Variants in LRMDA observed in about 807,000 individuals in gnomAD.
LRMDA encodes leucine rich melanocyte differentiation associated, also known as leucine-rich melanocyte differentiation-associated protein.
LRMDA carries 18 observed loss-of-function variants against 29.8 expected under a neutral mutation model. The observed-to-expected ratio is 0.60, with a 90% CI of 0.42 to 0.90. LRMDA has a LOEUF of 0.90. LRMDA is among the 40% of genes least tolerant of loss of function. The pLI, the probability that LRMDA is intolerant of heterozygous loss-of-function variation, is 0.00. For missense variants in LRMDA, 273 were observed against 273.9 expected (o/e 1.00, Z 0.02); for synonymous variants, 125 against 109.4 (o/e 1.14, Z -0.89).
At chr10:75,533,502 T>A (rs775641584) in intron 2 of LRMDA, among the ~76,000 whole-genome samples, 7 of 152,186 alleles carry the variant, frequency 4.6e-5, no homozygotes, top group Non-Finnish European at 7.3e-5. Context: ...TGGGTCTGAG[T>A]AAGAGACACT....
chr10:75,458,641 T>G (rs957432480), intron 2 of LRMDA, among the ~76,000 whole-genome samples: 1 of 152,192 alleles, frequency 6.6e-6, no homozygotes, highest in African/African-American at 2.4e-5. Flanking sequence ...TAGTTGTACC[T>G]CTGAGCTCAG....
intron 2 of LRMDA, among the ~76,000 whole-genome samples, chr10:75,627,792 T>C (rs1037548926): frequency 1.3e-5 from 2 of 152,214 alleles, no homozygotes; most frequent in Non-Finnish European, 2.9e-5. Context: ...AACACTAAAT[T>C]GGGAGATTTC....
chr10:76,484,692 A>T (rs190200734), intron 6 of LRMDA, among the ~76,000 whole-genome samples: 206 of 152,084 alleles, frequency 1.4e-3, no homozygotes, highest in Non-Finnish European at 2.2e-3. Flanking sequence ...CTATTAGGTT[A>T]TCTATATAGA....
chr10:76,090,605 A>T (rs531317463), intron 5 of LRMDA, among the ~76,000 whole-genome samples: 1 of 152,350 alleles, frequency 6.6e-6, no homozygotes, highest in South Asian at 2.1e-4. Context: ...ATTATTCACA[A>T]TAGCCAAAAG....
chr10:76,429,772 G>T (rs1244720832), intron 6 of LRMDA, among the ~76,000 whole-genome samples: 1 of 152,164 alleles, frequency 6.6e-6, no homozygotes, highest in Non-Finnish European at 1.5e-5. Flanking sequence ...GATCAGCCAT[G>T]GGGGCCTGGG....
chr10:76,076,821 C>T (rs754029367), intron 5 of LRMDA, among the ~76,000 whole-genome samples: 1 of 152,060 alleles, frequency 6.6e-6, no homozygotes, highest in Non-Finnish European at 1.5e-5. Flanking sequence ...TTTCAAGGGT[C>T]GGGCAGACAA....
chr10:75,566,889 ACTC>A (rs1243752400), intron 2 of LRMDA, among the ~76,000 whole-genome samples: 1 of 151,622 alleles, frequency 6.6e-6, no homozygotes, highest in East Asian at 1.9e-4. Context: ...AGAGGCCACT[ACTC>A]CTCTGGCCTT....
At chr10:75,960,880 G>C (rs1846752947) in intron 2 of LRMDA, among the ~76,000 whole-genome samples, 1 of 152,158 alleles carries the variant, frequency 6.6e-6, no homozygotes, top group African/African-American at 2.4e-5. Context: ...CTCCCGAAGT[G>C]CTGGGATAAC....
At chr10:75,958,918 T>C (rs1324951952) in intron 2 of LRMDA, among the ~76,000 whole-genome samples, 1 of 151,940 alleles carries the variant, frequency 6.6e-6, no homozygotes, top group African/African-American at 2.4e-5. Context: ...GTGAAAGGGG[T>C]TTCCCCATAT....
intron 5 of LRMDA, among the ~76,000 whole-genome samples, chr10:76,075,785 A>G (rs1490437101): frequency 6.6e-6 from 1 of 152,156 alleles, no homozygotes; most frequent in African/African-American, 2.4e-5. Context: ...CTCAGCTGGC[A>G]TCTTGGTCAG....
intron 5 of LRMDA, among the ~76,000 whole-genome samples, chr10:76,288,687 A>G (rs1020159963): frequency 6.6e-6 from 1 of 152,168 alleles, no homozygotes; most frequent in Non-Finnish European, 1.5e-5. Flanking sequence ...CTTCAGTACT[A>G]CTACAATTCT....
At chr10:75,756,373 C>A (rs1309471254) in intron 2 of LRMDA, among the ~76,000 whole-genome samples, 1 of 152,154 alleles carries the variant, frequency 6.6e-6, no homozygotes, top group South Asian at 2.1e-4. Flanking sequence ...TGCCAGCATT[C>A]ATATTGGGTC....
chr10:76,249,369 T>C (rs1852431676), intron 5 of LRMDA, among the ~76,000 whole-genome samples: 1 of 152,162 alleles, frequency 6.6e-6, no homozygotes, highest in African/African-American at 2.4e-5. Flanking sequence ...TTTAGTCCTA[T>C]TAAATTAAAG....
At chr10:76,023,121 C>T (rs1379955179) in intron 2 of LRMDA, among the ~76,000 whole-genome samples, 1 of 151,520 alleles carries the variant, frequency 6.6e-6, no homozygotes, top group East Asian at 1.9e-4. Context: ...CAAATTAAAG[C>T]TGCCTCTGTC....
At chr10:76,287,944 A>G (rs182128466) in intron 5 of LRMDA, among the ~76,000 whole-genome samples, 3 of 152,348 alleles carry the variant, frequency 2.0e-5, no homozygotes, top group Non-Finnish European at 2.9e-5. Flanking sequence ...GCACTGAGTC[A>G]GGACTGGTTT....
At chr10:75,831,604 CA>C (rs1279702856) in intron 2 of LRMDA, among the ~76,000 whole-genome samples, 1 of 152,168 alleles carries the variant, frequency 6.6e-6, no homozygotes, top group Non-Finnish European at 1.5e-5. Flanking sequence ...CTCATAGTTC[CA>C]CTAGGTAGTG....
intron 2 of LRMDA, chr10:75,451,089 G>C (rs1220120401): frequency 2.6e-5 from 4 of 152,188 alleles, no homozygotes; most frequent in African/African-American, 7.2e-5. Flanking sequence ...CGCCTCAATG[G>C]CTCTTTTTTG....
At chr10:75,825,200 T>C (rs114283736) in intron 2 of LRMDA, among the ~76,000 whole-genome samples, 1,525 of 152,216 alleles carry the variant, frequency 0.01, 23 homozygotes, top group African/African-American at 0.035. Flanking sequence ...GACTTTGGTG[T>C]GACGCCTCCT....
intron 2 of LRMDA, among the ~76,000 whole-genome samples, chr10:76,006,983 C>CGTGTGTGT (rs572881040): frequency 0.042 from 4,899 of 115,926 alleles, 194 homozygotes; most frequent in Middle Eastern, 0.077. Flanking sequence ...ATGGAGAAGG[C>CGTGTGTGT]GTGTGTGTGT....
Sources: gnomAD v4.1 joint callset for allele counts (sites outside exome capture counted in the v4.1 genomes callset) on GRCh38, gnomAD v4.1.1 for gene constraint, MANE v1.5 for transcripts, NCBI Gene and HGNC (gene_info 2026-07-23, HGNC 2026-07-21) for gene names.